ANO6: variants seen among roughly 807,000 people sequenced by gnomAD.
ANO6 encodes the protein anoctamin 6.
A neutral mutation model predicts 117.5 loss-of-function variants in ANO6; 106 were observed. The observed-to-expected ratio is 0.90, with a 90% CI of 0.77 to 1.06. The LOEUF is 1.06. Among genes scored for constraint, ANO6 ranks in the 50% least tolerant of loss-of-function variants. The pLI is 0.00. For missense variants in ANO6, 955 were observed against 1,121.1 expected (o/e 0.85, Z 2.12); for synonymous variants, 367 against 385.1 (o/e 0.95, Z 0.55).
chr12:45,293,106 A>G (rs571536106), intron 1 of ANO6, among the ~76,000 whole-genome samples: 1 of 152,348 alleles, frequency 6.6e-6, no homozygotes, highest in South Asian at 2.1e-4. Flanking sequence ...GTGCAGTGCA[A>G]TATGGTTCTG....
At chr12:45,388,391 C>T in intron 11 of ANO6, 88 bp downstream of exon 11, 27 of 1,544,260 alleles carry the variant, frequency 1.7e-5, no homozygotes, top group Middle Eastern at 3.4e-4. Context: ...CTTGGGGGAG[C>T]TTAAAAAATA....
At chr12:45,304,788 G>A (rs1486417295) in intron 2 of ANO6, among the ~76,000 whole-genome samples, 6 of 152,170 alleles carry the variant, frequency 3.9e-5, no homozygotes, top group Non-Finnish European at 7.3e-5. Flanking sequence ...TTGGCCGCTG[G>A]CATCATAAGC....
intron 1 of ANO6, among the ~76,000 whole-genome samples, chr12:45,264,552 G>A (rs1160836655): frequency 2.0e-5 from 3 of 152,134 alleles, no homozygotes; most frequent in African/African-American, 7.2e-5. Context: ...AACCTGTCAT[G>A]GACCAAAGAG....
intron 2 of ANO6, among the ~76,000 whole-genome samples, chr12:45,321,863 T>C (rs1239011989): frequency 1.3e-5 from 2 of 152,184 alleles, no homozygotes; most frequent in Non-Finnish European, 2.9e-5. Context: ...CCCCACAGAA[T>C]ATTAAAAAGA....
rs770321290 is a variant in ANO6, at chr12:45,430,659, T to C, written c.*1348T>C. 2.3e-5 allele frequency: 23 copies of C among 985,432 alleles called. No homozygotes were observed. The highest frequency in any genetic ancestry group is 2.5e-5 in the Non-Finnish European group (21 of 829,942). 61.0% of individuals were successfully genotyped at this position (985,432 alleles called of 1,614,324 possible). A position where few individuals can be genotyped will look rare whatever the true frequency, so the allele number is the denominator to read the frequency against. On this transcript the variant is annotated 3_prime_UTR_variant, in exon 20 of 20. Coordinates refer to ENST00000320560, the MANE Select transcript of ANO6 (RefSeq NM_001025356.3). ...GTTAAGAGTAATAAAGGAAAAGGGT[T>C]TGGTCACAAACCCTACCATTATCTG...
intron 2 of ANO6, among the ~76,000 whole-genome samples, chr12:45,317,441 G>GGGTT (rs1940087682): frequency 6.6e-6 from 1 of 151,536 alleles, no homozygotes; most frequent in Non-Finnish European, 1.5e-5. Flanking sequence ...TCCCTGCAAA[G>GGGTT]GACATGAACT....
intron 10 of ANO6, among the ~76,000 whole-genome samples, chr12:45,378,392 C>T (rs1000853922): frequency 3.9e-5 from 6 of 152,208 alleles, no homozygotes; most frequent in African/African-American, 1.4e-4. Context: ...GTTGGCTCAG[C>T]TGACTCTCCA....
chr12:45,268,428 G>A (rs757155342), intron 1 of ANO6, among the ~76,000 whole-genome samples: 29 of 152,212 alleles, frequency 1.9e-4, no homozygotes, highest in Non-Finnish European at 2.4e-4. Context: ...CCTGAGGCAG[G>A]AGAATTGCTT....
At chr12:45,245,986 A>T (rs1451030359) in intron 1 of ANO6, among the ~76,000 whole-genome samples, 2 of 151,604 alleles carry the variant, frequency 1.3e-5, no homozygotes, top group East Asian at 3.9e-4. Context: ...AAGTTGATGG[A>T]GATAGCATAT....
At chr12:45,304,665 T>C (rs1316472895) in intron 2 of ANO6, among the ~76,000 whole-genome samples, 1 of 152,102 alleles carries the variant, frequency 6.6e-6, no homozygotes, top group Non-Finnish European at 1.5e-5. Context: ...ATTTATAGAG[T>C]TTGGCTAACA....
At chr12:45,316,510 G>A (rs937003697) in intron 2 of ANO6, among the ~76,000 whole-genome samples, 2 of 152,178 alleles carry the variant, frequency 1.3e-5, no homozygotes, top group South Asian at 2.1e-4. Flanking sequence ...AATTTAAAAT[G>A]TTAATAGAAT....
intron 1 of ANO6, among the ~76,000 whole-genome samples, chr12:45,225,771 G>A (rs949053293): frequency 2.0e-5 from 3 of 152,196 alleles, no homozygotes; most frequent in African/African-American, 7.2e-5. Context: ...TTACAGGCGT[G>A]AGACATTTTT....
At chr12:45,411,767 C>T (rs1387703145) in intron 16 of ANO6, among the ~76,000 whole-genome samples, 1 of 152,148 alleles carries the variant, frequency 6.6e-6, no homozygotes, top group African/African-American at 2.4e-5. Context: ...TCAGCTGGGC[C>T]CCTGAACTTT....
intron 7 of ANO6, among the ~76,000 whole-genome samples, chr12:45,352,321 T>C (rs895846365): frequency 5.3e-5 from 8 of 152,088 alleles, no homozygotes; most frequent in African/African-American, 1.7e-4. Flanking sequence ...CTCCCACTTC[T>C]TTCCCTCCCC....
rs1461432682 is a variant in ANO6, at chr12:45,403,157, CTTCTACA to C, written c.1700_1706del (p.Phe567Ter). The C allele has an allele frequency of 6.2e-7, 1 of 1,613,952 alleles. No individual in the cohort carries two copies. The highest frequency in any genetic ancestry group is 8.5e-7 in the Non-Finnish European group (1 of 1,179,884). ...AGTTTGTCAACTACTACTCTTCATG[CTTCTACA>C]TAGCATTCTTTAAGGGCAAATTTGT... On this transcript the variant is annotated frameshift_variant, in exon 14 of 20. Transcript: ENST00000320560. LOFTEE classifies it high-confidence loss of function.
At chr12:45,294,924 T>C (rs189863637) in intron 1 of ANO6, among the ~76,000 whole-genome samples, 11 of 152,360 alleles carry the variant, frequency 7.2e-5, no homozygotes, top group African/African-American at 2.4e-4. Flanking sequence ...TGAAAAATTA[T>C]GATAGCCAAT....
chr12:45,346,895 A>G, intron 3 of ANO6, 127 bp from the exon 4 acceptor site: 2 of 810,764 alleles, frequency 2.5e-6, no homozygotes, highest in Non-Finnish European at 4.2e-6. Context: ...TGCTTGACCA[A>G]ATGCTGATGC....
chr12:45,377,975 T>C lies in ANO6; in HGVS notation c.1105-78T>C, dbSNP rs1205846152. 1.0e-5 allele frequency: 14 copies of C among 1,373,116 alleles called. No individual in the cohort carries two copies. The East Asian group carries it at 2.3e-4, about 22-fold the overall frequency. 85.1% of individuals were successfully genotyped at this position (1,373,116 alleles called of 1,614,324 possible). A position where few individuals can be genotyped will look rare whatever the true frequency, so the allele number is the denominator to read the frequency against. On this transcript the variant is annotated intron_variant, in intron 9 of 19. Transcript: ENST00000320560. Reference sequence around the variant, plus strand: ...TGAAAAGAACTTCAAGACTGTAGAATAGACAAAGCATTTCATATTTACTGA... The same window carrying C: ...TGAAAAGAACTTCAAGACTGTAGAACAGACAAAGCATTTCATATTTACTGA...
chr12:45,432,888 T>A (rs1295488500), downstream of ANO6, among the ~76,000 whole-genome samples: 2 of 152,102 alleles, frequency 1.3e-5, no homozygotes, highest in Non-Finnish European at 2.9e-5. Context: ...AATGGCCAGA[T>A]CATATGTAAA....
Sources: gnomAD v4.1 joint callset for allele counts (sites outside exome capture counted in the v4.1 genomes callset) on GRCh38, gnomAD v4.1.1 for gene constraint, MANE v1.5 for transcripts, NCBI Gene and HGNC (gene_info 2026-07-23, HGNC 2026-07-21) for gene names.